The following CTBP2 variants were observed in gnomAD, a reference collection of about 807,000 sequenced individuals.
The protein encoded by CTBP2 is C-terminal binding protein 2.
A neutral mutation model predicts 80.3 loss-of-function variants in CTBP2; 30 were observed. That is an observed-to-expected ratio of 0.37 (90% CI 0.28 to 0.51). CTBP2 has a LOEUF of 0.51. Among genes scored for constraint, CTBP2 ranks in the 20% least tolerant of loss-of-function variants. CTBP2 has a pLI of 0.93. For missense variants in CTBP2, 1,212 were observed against 1,375.3 expected, an observed-to-expected ratio of 0.88 and a Z score of 1.88; for synonymous variants, 594 against 587.4, an observed-to-expected ratio of 1.01 and a Z score of -0.16.
intron 5 of CTBP2, 111 bp downstream of exon 7, chr10:124,994,358 C>T (rs2134128154): frequency 9.3e-7 from 1 of 1,071,546 alleles, no homozygotes; most frequent in Non-Finnish European, 1.4e-6. Flanking sequence ...CTTCCCTGCT[C>T]AACAGTGTAT....
intron 2 of CTBP2, among the ~76,000 whole-genome samples, chr10:125,093,011 C>T (rs1297357415): frequency 2.0e-5 from 3 of 152,110 alleles, no homozygotes; most frequent in Non-Finnish European, 4.4e-5. Flanking sequence ...GCTTGAATGG[C>T]ACTCAGAACG....
upstream of CTBP2, among the ~76,000 whole-genome samples, chr10:125,031,777 T>C (rs951166313): frequency 1.3e-5 from 2 of 152,190 alleles, no homozygotes; most frequent in Non-Finnish European, 2.9e-5. Context: ...CACTGAGTGC[T>C]CTCACCAATT....
chr10:125,049,302 T>C (rs188855491), intron 2 of CTBP2, among the ~76,000 whole-genome samples: 1 of 152,294 alleles, frequency 6.6e-6, no homozygotes, highest in Non-Finnish European at 1.5e-5. Context: ...CTTACCATCA[T>C]TTCAAAGTCG....
chr10:125,102,640 T>C lies in CTBP2; in HGVS notation c.-102+8350A>G, dbSNP rs60223558. Among the ~76,000 whole-genome samples the C allele has an allele frequency of 5.4e-3, 823 of 152,350 alleles. 7 individuals carry two copies. Among genetic ancestry groups the C allele is most frequent in the African/African-American group, 0.019 (779 of 41,580 alleles). On this transcript the variant is annotated intron_variant, in intron 2 of 10. Transcript: ENST00000337195. The stretch of plus-strand genomic sequence containing the variant: ...ATGAGGGAGTGGCAGTGAGTTTCAA[T>C]TGAATTACAAAAAGCCAGGAGTACT...
intron 2 of CTBP2, among the ~76,000 whole-genome samples, chr10:125,085,085 C>A (rs767026793): frequency 6.6e-6 from 1 of 152,146 alleles, no homozygotes; most frequent in South Asian, 2.1e-4. Flanking sequence ...CATGGGACTG[C>A]GACAGAAATT....
chr10:125,005,784 T>C, intron 1 of CTBP2: 1 of 1,612,746 alleles, frequency 6.2e-7, no homozygotes, highest in South Asian at 1.1e-5. Flanking sequence ...CACAACCCTG[T>C]GGGGCCTGGA....
intron 1 of CTBP2, among the ~76,000 whole-genome samples, chr10:125,134,888 C>T (rs557548929): frequency 3.0e-5 from 4 of 135,220 alleles, no homozygotes; most frequent in African/African-American, 1.3e-4. Flanking sequence ...GCCTCCTGCC[C>T]CCTGCCCCCT....
chr10:125,029,844 G>A (rs58762526), upstream of CTBP2, among the ~76,000 whole-genome samples: 9,295 of 152,188 alleles, frequency 0.061, 329 homozygotes, highest in Admixed American at 0.084. Context: ...ATGTTTACCC[G>A]GTAGCGCCTA....
chr10:125,057,214 A>T (rs898928062), intron 2 of CTBP2, among the ~76,000 whole-genome samples: 1 of 152,252 alleles, frequency 6.6e-6, no homozygotes, highest in African/African-American at 2.4e-5. Context: ...GAGGTCAGCG[A>T]GTAGAGAGGC....
At position 125,027,623 on chromosome 10, in the gene CTBP2, G is replaced by A. The variant is rs758186001; in HGVS notation, c.137C>T (p.Ala46Val). 5 of 1,614,066 alleles carry A rather than the reference G, an allele frequency of 3.1e-6. No homozygotes were observed. In the East Asian group the frequency reaches 1.1e-4, roughly 36 times the overall value. The change falls in exon 1 of 9, where the codon GCA becomes GTA. Residue 46 changes from alanine (A) to valine (V), a missense_variant. This residue lies in a region of CTBP2 where 848 missense variants were observed against 782.3 expected (regional missense o/e 1.08). Transcript: ENST00000309035. ...GTTTGGCTCAAACCAAGTCCCCTCT[G>A]CTGTGCCATACGTCAGGGAGCTTCT...
At chr10:125,080,265 C>T (rs1013757258) in intron 2 of CTBP2, among the ~76,000 whole-genome samples, 6 of 151,568 alleles carry the variant, frequency 4.0e-5, no homozygotes, top group African/African-American at 1.5e-4. Flanking sequence ...AGAAATACAC[C>T]CAGTTTCCTT....
chr10:125,040,803 TA>T (rs1959496080), intron 2 of CTBP2, among the ~76,000 whole-genome samples: 1 of 152,254 alleles, frequency 6.6e-6, no homozygotes, highest in Admixed American at 6.5e-5. Context: ...AGTTAACGGC[TA>T]ATTTCCCAGC....
intron 2 of CTBP2, among the ~76,000 whole-genome samples, chr10:125,082,895 A>C (rs991787728): frequency 7.9e-5 from 12 of 152,168 alleles, no homozygotes; most frequent in African/African-American, 2.9e-4. Context: ...AGCCTTTCTG[A>C]GAATTTTCAC....
rs1953112347 is a variant in CTBP2, at chr10:124,994,085, C to G, written c.2401-100G>C. The G allele has an allele frequency of 2.0e-5, 31 of 1,518,462 alleles. 5 individuals carry two copies. The South Asian group carries it at 3.8e-4, about 19-fold the overall frequency. 94.1% of individuals were successfully genotyped at this position (1,518,462 alleles called of 1,614,324 possible). On this transcript the variant is annotated intron_variant, in intron 5 of 8. Transcript: ENST00000309035. ...AAAGCTGCAAGCTAGTTTTGTTGGTCTGGTGGTTTAATGTGTGTGCTGCAG... is the reference window on the plus strand; with the variant it reads ...AAAGCTGCAAGCTAGTTTTGTTGGTGTGGTGGTTTAATGTGTGTGCTGCAG...
At chr10:125,107,157 C>G (rs1252241136) in intron 2 of CTBP2, among the ~76,000 whole-genome samples, 5 of 152,240 alleles carry the variant, frequency 3.3e-5, no homozygotes, top group Non-Finnish European at 7.3e-5. Context: ...CCCTCCTCCC[C>G]TACTCCGAAG....
chr10:125,158,299 C>T (rs1861298511), intron 1 of CTBP2, among the ~76,000 whole-genome samples: 1 of 152,124 alleles, frequency 6.6e-6, no homozygotes, highest in Admixed American at 6.5e-5. Context: ...TCTTCGAACC[C>T]AAACACCTAG....
At chr10:125,124,994 G>A (rs985616849) in intron 1 of CTBP2, among the ~76,000 whole-genome samples, 1 of 152,106 alleles carries the variant, frequency 6.6e-6, no homozygotes, top group Non-Finnish European at 1.5e-5. Context: ...ACAGACGCAC[G>A]GCACTCAGAT....
chr10:125,086,946 C>T (rs965077918), intron 2 of CTBP2, among the ~76,000 whole-genome samples: 7 of 152,062 alleles, frequency 4.6e-5, no homozygotes, highest in Non-Finnish European at 1.0e-4. Flanking sequence ...GAACAGTCCA[C>T]GACACACACG....
intron 1 of CTBP2, among the ~76,000 whole-genome samples, chr10:125,012,523 G>A (rs1170652638): frequency 2.0e-5 from 3 of 152,136 alleles, no homozygotes; most frequent in Admixed American, 6.5e-5. Flanking sequence ...GGTCAGATGC[G>A]CCCTGGGGTT....
Sources: gnomAD v4.1 joint callset for allele counts (sites outside exome capture counted in the v4.1 genomes callset) on GRCh38, gnomAD v4.1.1 for gene constraint, gnomAD v4.1.1 regional missense constraint, MANE v1.5 for transcripts, NCBI Gene and HGNC (gene_info 2026-07-23, HGNC 2026-07-21) for gene names.